UBA6: variants seen among roughly 807,000 people sequenced by gnomAD.
UBA6 encodes ubiquitin-like modifier-activating enzyme 6.
Under a neutral mutation model 148.3 loss-of-function variants are expected in UBA6, and 87 were observed. The ratio of observed to expected loss-of-function variants is 0.59; its 90% CI spans 0.49 to 0.70. The LOEUF (loss-of-function observed/expected upper bound fraction) is 0.70. Ranked by LOEUF, UBA6 falls within the 30% of genes least tolerant of loss-of-function variation. The probability of loss-of-function intolerance (pLI) is 0.00; values close to 1 mark genes in which losing one functional copy is unlikely to be tolerated. For missense variants in UBA6, 1,186 were observed against 1,241.2 expected (o/e 0.96, Z 0.67); for synonymous variants, 376 against 401.0 (o/e 0.94, Z 0.75).
At chr4:67,666,818 T>G (rs1374836001) in intron 9 of UBA6, among the ~76,000 whole-genome samples, 2 of 152,092 alleles carry the variant, frequency 1.3e-5, no homozygotes, top group Non-Finnish European at 1.5e-5. Context: ...GAGGCTGCAG[T>G]GAGCCATGAT....
At chr4:67,639,197 A>G in intron 18 of UBA6, 73 bp from the exon 19 acceptor site, 1 of 1,180,584 alleles carries the variant, frequency 8.5e-7, no homozygotes. Flanking sequence ...TATATATTCC[A>G]GAGTGATAAG....
chr4:67,682,004 T>A, intron 3 of UBA6, 115 bp downstream of exon 3: 1 of 750,530 alleles, frequency 1.3e-6, no homozygotes, highest in Non-Finnish European at 2.2e-6. Flanking sequence ...CTCAATCTGA[T>A]CAACATTTTG....
intron 2 of UBA6, among the ~76,000 whole-genome samples, chr4:67,692,101 T>C (rs750302054): frequency 5.3e-5 from 8 of 152,138 alleles, no homozygotes; most frequent in Non-Finnish European, 1.0e-4. Context: ...GCGATTTTGG[T>C]GCACCCATCA....
At chr4:67,623,788 G>A (rs553303821) in intron 30 of UBA6, among the ~76,000 whole-genome samples, 5 of 152,030 alleles carry the variant, frequency 3.3e-5, no homozygotes, top group African/African-American at 1.2e-4. Flanking sequence ...AAAAAGTACA[G>A]GCCCAGGAAT....
Position 67,613,077 on chromosome 4 carries a change from C to G in UBA6, c.*5920G>C, listed in dbSNP as rs545306221. On this transcript the variant is annotated 3_prime_UTR_variant, in exon 33 of 33. Coordinates refer to ENST00000322244, the MANE Select transcript of UBA6 (RefSeq NM_018227.6). ...GCTTTGAAACCCTGAATGGTTGAACCCTAGAAATAAGGATGAACAGAAGAG... is the reference window on the plus strand; with the variant it reads ...GCTTTGAAACCCTGAATGGTTGAACGCTAGAAATAAGGATGAACAGAAGAG... 1 of 152,234 alleles carries G rather than the reference C, an allele frequency of 6.6e-6. No homozygotes were observed. The highest frequency in any genetic ancestry group is 2.1e-4 in the South Asian group (1 of 4,828). 9.4% of individuals were successfully genotyped at this position (152,234 alleles called of 1,614,324 possible). A position where few individuals can be genotyped will look rare whatever the true frequency, so the allele number is the denominator to read the frequency against.
At chr4:67,648,543 C>CCTGG (rs1729478475) in intron 14 of UBA6, among the ~76,000 whole-genome samples, 1 of 151,734 alleles carries the variant, frequency 6.6e-6, no homozygotes. Flanking sequence ...AGAGAGAGGG[C>CCTGG]CTGGAGGCAG....
rs143928436 is a variant in UBA6, at chr4:67,663,070, T to C, written c.1037+69A>G. 28 of 1,168,070 alleles carry C rather than the reference T, an allele frequency of 2.4e-5. No individual in the cohort carries two copies. In the East Asian group the frequency reaches 7.0e-4, roughly 29 times the overall value. 72.4% of individuals were successfully genotyped at this position (1,168,070 alleles called of 1,614,324 possible). A position where few individuals can be genotyped will look rare whatever the true frequency, so the allele number is the denominator to read the frequency against. The stretch of plus-strand genomic sequence containing the variant: ...AATTACAAAGGGCATAGTTACTTTT[T>C]AAATTATAATTTCTGAACTACTACT... On this transcript the variant is annotated intron_variant, in intron 12 of 32. Coordinates refer to ENST00000322244, the MANE Select transcript of UBA6 (RefSeq NM_018227.6).
chr4:67,632,689 GA>G (rs1008550794), intron 23 of UBA6, among the ~76,000 whole-genome samples: 3 of 152,132 alleles, frequency 2.0e-5, no homozygotes, highest in Admixed American at 6.6e-5. Flanking sequence ...GTAAAAAGAA[GA>G]AGTATAAACG....
chr4:67,662,181 A>G lies in UBA6; in HGVS notation c.1104+8T>C. ...AATATTCGGACAGCCATAAATTTCA[A>G]TAGTCACCTTCTCTTCCAAGGTTTC... On this transcript the variant is annotated splice_region_variant and intron_variant, in intron 13 of 32. Transcript: ENST00000322244. The G allele has an allele frequency of 1.9e-6, 3 of 1,613,026 alleles. No individual in the cohort carries two copies. Among genetic ancestry groups the G allele is most frequent in the Non-Finnish European group, 2.5e-6 (3 of 1,179,332 alleles).
chr4:67,635,386 T>C, intron 20 of UBA6, 67 bp downstream of exon 20: 1 of 981,984 alleles, frequency 1.0e-6, no homozygotes, highest in Non-Finnish European at 1.6e-6. Flanking sequence ...CTAAATCAAA[T>C]TGTTGATTAA....
chr4:67,664,216 TTTA>T, intron 10 of UBA6, among the ~76,000 whole-genome samples: 1 of 152,074 alleles, frequency 6.6e-6, no homozygotes, highest in Non-Finnish European at 1.5e-5. Context: ...CTTTAAAAAA[TTTA>T]TTATTTTAAT....
At chr4:67,633,529 A>G (rs1729051462) in intron 22 of UBA6, 56 bp from the exon 23 acceptor site, 1 of 1,460,006 alleles carries the variant, frequency 6.8e-7, no homozygotes, top group South Asian at 1.5e-5. Flanking sequence ...ACATATACAC[A>G]TCCCTCACCA....
chr4:67,655,036 C>A (rs999011044), intron 13 of UBA6, among the ~76,000 whole-genome samples: 4 of 152,150 alleles, frequency 2.6e-5, no homozygotes, highest in African/African-American at 9.7e-5. Context: ...CACCCTGATT[C>A]ATAAAGCAAG....
At chr4:67,688,049 T>C (rs1730612849) in intron 2 of UBA6, among the ~76,000 whole-genome samples, 1 of 152,086 alleles carries the variant, frequency 6.6e-6, no homozygotes, top group Non-Finnish European at 1.5e-5. Flanking sequence ...GAGGAAAGCG[T>C]TTCCTCTAGG....
chr4:67,661,249 G>T (rs983205269), intron 13 of UBA6, among the ~76,000 whole-genome samples: 4 of 152,052 alleles, frequency 2.6e-5, no homozygotes, highest in African/African-American at 4.8e-5. Context: ...AGATTCAGGG[G>T]GTACCAGGGA....
In UBA6 at chr4:67,661,595, G is replaced by C. The variant is rs576601985; in HGVS notation, c.1104+594C>G. 2.6e-5 allele frequency: 4 copies of C among 152,434 alleles called. No homozygotes were observed. In the South Asian group the frequency reaches 6.2e-4, roughly 24 times the overall value. The allele number at this position is 152,434 out of a possible 1,614,324, so 9.4% of individuals were successfully genotyped here. A position where few individuals can be genotyped will look rare whatever the true frequency, so the allele number is the denominator to read the frequency against. On this transcript the variant is annotated intron_variant, in intron 13 of 32. Coordinates refer to ENST00000322244, the MANE Select transcript of UBA6 (RefSeq NM_018227.6). ...TCAGGATTTCTTCATAGCAGTGTGA[G>C]AATGGACTAATACAGTTCCCTCTCA...
At chr4:67,648,973 A>C in intron 14 of UBA6, 95 bp downstream of exon 14, 1 of 1,314,532 alleles carries the variant, frequency 7.6e-7, no homozygotes, top group Non-Finnish European at 1.0e-6. Context: ...AAAGTATTTT[A>C]AGGTCGCTTT....
chr4:67,656,021 G>C (rs1205087310), intron 13 of UBA6, among the ~76,000 whole-genome samples: 1 of 152,144 alleles, frequency 6.6e-6, no homozygotes, highest in African/African-American at 2.4e-5. Flanking sequence ...AACAATAACA[G>C]GTTCTGAAAT....
chr4:67,676,018 C>T (rs1213506167), intron 6 of UBA6, among the ~76,000 whole-genome samples: 1 of 143,498 alleles, frequency 7.0e-6, no homozygotes, highest in African/African-American at 2.6e-5. Context: ...TATAGTACTA[C>T]CTTTTTTTTT....
Sources: gnomAD v4.1 joint callset for allele counts (sites outside exome capture counted in the v4.1 genomes callset) on GRCh38, gnomAD v4.1.1 for gene constraint, MANE v1.5 for transcripts, NCBI Gene and HGNC (gene_info 2026-07-23, HGNC 2026-07-21) for gene names.